DYNC2H1: variants seen among roughly 807,000 people sequenced by gnomAD.
DYNC2H1 encodes dynein cytoplasmic 2 heavy chain 1.
Under a neutral mutation model 570.0 loss-of-function variants are expected in DYNC2H1, and 410 were observed. The ratio of observed to expected loss-of-function variants is 0.72; its 90% CI spans 0.66 to 0.78. DYNC2H1 has a LOEUF of 0.78. DYNC2H1 is among the 30% of genes least tolerant of loss of function. The probability of loss-of-function intolerance (pLI) is 0.00; values close to 1 mark genes in which losing one functional copy is unlikely to be tolerated. For missense variants in DYNC2H1, 4,865 were observed against 5,046.4 expected (o/e 0.96, Z 1.09); for synonymous variants, 1,688 against 1,677.6 (o/e 1.01, Z -0.15).
At chr11:103,436,308 G>A (rs556103699) in intron 85 of DYNC2H1, among the ~76,000 whole-genome samples, 9 of 151,886 alleles carry the variant, frequency 5.9e-5, no homozygotes, top group African/African-American at 1.9e-4. Flanking sequence ...CACATAGACG[G>A]TAACTGACAC....
intron 82 of DYNC2H1, among the ~76,000 whole-genome samples, chr11:103,350,603 G>C (rs949040175): frequency 6.6e-6 from 1 of 152,150 alleles, no homozygotes. Context: ...ACCACAAATT[G>C]AGTGGCTTAA....
chr11:103,246,783 A>G (rs11225625), intron 65 of DYNC2H1, among the ~76,000 whole-genome samples: 7,537 of 152,118 alleles, frequency 0.05, 253 homozygotes, highest in Non-Finnish European at 0.071. Context: ...TCCTAGAATC[A>G]CATAAAACAA....
chr11:103,287,454 T>C (rs1011612741), intron 74 of DYNC2H1, 79 bp from the exon 75 acceptor site: 31 of 1,096,036 alleles, frequency 2.8e-5, no homozygotes, highest in Non-Finnish European at 4.1e-5. Context: ...TTTGTTTAAT[T>C]AGTTAACATT....
intron 88 of DYNC2H1, among the ~76,000 whole-genome samples, chr11:103,474,598 C>T (rs1482797875): frequency 1.3e-5 from 2 of 151,928 alleles, no homozygotes; most frequent in African/African-American, 4.8e-5. Context: ...TTTCAGTTAC[C>T]CACAGTCAGC....
In DYNC2H1 at chr11:103,114,143, A is replaced by G; in HGVS notation, c.407A>G (p.Asn136Ser). The change falls in exon 3 of 89, where the codon AAT (asparagine) becomes AGT (serine). Residue 136 changes from asparagine (N) to serine (S), a missense_variant. By Grantham distance (46) the Asn-to-Ser change is conservative. Coordinates refer to ENST00000375735, the MANE Select transcript of DYNC2H1 (RefSeq NM_001377.3). ...AGAAACTTTGATCCCAAACTTCAGA[A>G]TCTTTTGAGTGAACTAGAAGCTGGG... The part of the protein sequence containing the change: ...WSRNFDPKLQ[N>S]LLSELEAGLG... 1.9e-6 allele frequency: 3 copies of G among 1,610,144 alleles called. No individual in the cohort carries two copies. The highest frequency in any genetic ancestry group is 2.5e-6 in the Non-Finnish European group (3 of 1,177,972).
rs114673868 is a variant in DYNC2H1 at position 103,468,284 on chromosome 11, T to A, written c.12649-305T>A. On this transcript the variant is annotated intron_variant, in intron 87 of 88. Coordinates refer to ENST00000375735, the MANE Select transcript of DYNC2H1 (RefSeq NM_001377.3). Reference sequence around the variant, plus strand: ...TCCCTCATGGAGAAAGAATAACTTTTTGGCTTTTGCCACTGTAATTCTATT... The same window carrying A: ...TCCCTCATGGAGAAAGAATAACTTTATGGCTTTTGCCACTGTAATTCTATT... 5.0e-3 allele frequency: 880 copies of A among 176,724 alleles called. 5 individuals are homozygous for A. Among genetic ancestry groups the A allele is most frequent in the African/African-American group, 0.02 (837 of 42,496 alleles). The allele number at this position is 176,724 out of a possible 1,614,324, so 10.9% of individuals were successfully genotyped here.
At chr11:103,418,673 G>T (rs546503048) in intron 84 of DYNC2H1, among the ~76,000 whole-genome samples, 2 of 152,320 alleles carry the variant, frequency 1.3e-5, no homozygotes, top group African/African-American at 4.8e-5. Context: ...ACAAGGCAAA[G>T]AACTCACAGA....
chr11:103,243,254 AATAT>A lies in DYNC2H1; in HGVS notation c.9820-437_9820-434del, dbSNP rs1864485500. On this transcript the variant is annotated intron_variant, in intron 63 of 88. Transcript: ENST00000375735. The surrounding 1 kb of genome is among the most constrained non-coding windows in gnomAD (Gnocchi z 4.8). ...CTTTATAGTTTTTATTCAAACAAAG[AATAT>A]AGATAGATAGATAGATAGATAGATA... Among the ~76,000 whole-genome samples the A allele has an allele frequency of 1.5e-5, 2 of 137,510 alleles. No individual in the cohort carries two copies. Among genetic ancestry groups the A allele is most frequent in the Non-Finnish European group, 3.1e-5 (2 of 63,816 alleles). The allele number at this position is 137,510 out of a possible 152,430, so 90.2% of individuals were successfully genotyped here.
intron 75 of DYNC2H1, among the ~76,000 whole-genome samples, chr11:103,298,145 C>G (rs1866909413): frequency 6.6e-6 from 1 of 152,128 alleles, no homozygotes; most frequent in South Asian, 2.1e-4. Flanking sequence ...AGGTCTTACC[C>G]TCAGATCTTA....
intron 78 of DYNC2H1, among the ~76,000 whole-genome samples, chr11:103,309,826 A>G (rs3930464): frequency 0.17 from 26,255 of 152,014 alleles, 2,456 homozygotes; most frequent in Admixed American, 0.26. Flanking sequence ...TTTCGATAAG[A>G]GAGTATTATT....
rs1863552463 is a variant in DYNC2H1, at chr11:103,220,698, A to G, written c.9022A>G (p.Met3008Val). The G allele has an allele frequency of 1.1e-5, 18 of 1,613,206 alleles. No individual in the cohort carries two copies. Among genetic ancestry groups the G allele is most frequent in the Non-Finnish European group, 1.5e-5 (18 of 1,179,358 alleles). The change falls in exon 57 of 89, where the codon ATG becomes GTG. Residue 3008 changes from methionine (M) to valine (V), a missense_variant. By Grantham distance (21) the Met-to-Val change is conservative. Transcript: ENST00000375735. ...ESLSEIRSLR[M>V]PPDVIRDILE... ...ACTTTCAGAAATTCGCTCACTACGC[A>G]TGCCACCTGATGTAATTAGAGATAT...
At chr11:103,358,403 G>A (rs545497000) in intron 83 of DYNC2H1, 44 bp downstream of exon 83, 18 of 1,324,310 alleles carry the variant, frequency 1.4e-5, no homozygotes, top group Middle Eastern at 1.8e-4. Flanking sequence ...TTTTTCTCCC[G>A]CATCGTAACC....
intron 69 of DYNC2H1, among the ~76,000 whole-genome samples, chr11:103,258,419 C>A (rs1865147378): frequency 6.6e-6 from 1 of 152,126 alleles, no homozygotes. Flanking sequence ...CCAATTAAAA[C>A]TATTTTCTTA....
intron 60 of DYNC2H1, among the ~76,000 whole-genome samples, chr11:103,232,235 AATTTATGT>A (rs980354445): frequency 3.3e-5 from 5 of 151,958 alleles, no homozygotes; most frequent in African/African-American, 1.2e-4. Flanking sequence ...TATACTGGGT[AATTTATGT>A]ATTTATTTCT....
chr11:103,160,754 AT>A (rs1323848634), intron 28 of DYNC2H1, among the ~76,000 whole-genome samples, 177 bp from the exon 29 acceptor site: 1 of 152,016 alleles, frequency 6.6e-6, no homozygotes, highest in East Asian at 1.9e-4. Flanking sequence ...TCAGAAAGTG[AT>A]TTTTTTCCCT....
At position 103,129,874 on chromosome 11, in the gene DYNC2H1, G is replaced by A. The variant is rs1859186554; in HGVS notation, c.1953+869G>A. Among the ~76,000 whole-genome samples the A allele has an allele frequency of 6.6e-6, 1 of 152,132 alleles. No homozygotes were observed. Among genetic ancestry groups the A allele is most frequent in the Non-Finnish European group, 1.5e-5 (1 of 68,034 alleles). On this transcript the variant is annotated intron_variant, in intron 13 of 88. Coordinates refer to ENST00000375735, the MANE Select transcript of DYNC2H1 (RefSeq NM_001377.3). This position sits in a 1 kb window ranked among gnomAD's most constrained non-coding sequence, Gnocchi z 4.1. ...TTTTCTATTTGAAAGTGGATAACTA[G>A]TTGTGTCAGGATCCTCAGGACCACC...
intron 71 of DYNC2H1, among the ~76,000 whole-genome samples, chr11:103,281,561 T>C (rs1866133674): frequency 6.6e-6 from 1 of 151,948 alleles, no homozygotes; most frequent in African/African-American, 2.4e-5. Flanking sequence ...CACATTGCTC[T>C]CAAATTTTCA....
chr11:103,413,462 TTTAC>T (rs1943166805), intron 84 of DYNC2H1, among the ~76,000 whole-genome samples: 1 of 152,188 alleles, frequency 6.6e-6, no homozygotes, highest in Non-Finnish European at 1.5e-5. Flanking sequence ...TCATCCTGCT[TTTAC>T]TTAAGAAGAC....
chr11:103,227,554 A>G (rs1366247929), intron 59 of DYNC2H1, among the ~76,000 whole-genome samples: 1 of 152,158 alleles, frequency 6.6e-6, no homozygotes, highest in Non-Finnish European at 1.5e-5. Context: ...AGTACTTGAT[A>G]TAATTTCGAT....
Sources: allele counts gnomAD v4.1 joint callset (sites outside exome capture counted in the v4.1 genomes callset), GRCh38; gene constraint gnomAD v4.1.1; non-coding constraint Gnocchi (gnomAD v3.1); transcripts MANE v1.5; gene names NCBI Gene and HGNC (gene_info 2026-07-23, HGNC 2026-07-21).